Variants in LBHD1 observed in about 807,000 individuals in gnomAD.
LBHD1 encodes LBH domain containing 1, also known as LBH domain-containing protein 1.
Under a neutral mutation model 31.1 loss-of-function variants are expected in LBHD1, and 28 were observed. The ratio of observed to expected loss-of-function variants is 0.90; its 90% CI spans 0.67 to 1.24. LBHD1 has a LOEUF of 1.24. Ranked by LOEUF, LBHD1 falls within the 50% of genes most tolerant of loss-of-function variation. LBHD1 has a pLI of 0.00. For missense variants in LBHD1, 350 were observed against 323.0 expected (o/e 1.08, Z -0.64); for synonymous variants, 105 against 116.5 (o/e 0.90, Z 0.63).
chr11:62,665,617 G>C (rs1944785561), intron 4 of LBHD1: 4 of 1,552,560 alleles, frequency 2.6e-6, no homozygotes, highest in Non-Finnish European at 2.6e-6. Context: ...TCCTCCATCG[G>C]GGTGCTCACA....
At chr11:62,668,061 A>G (rs1405769441) in intron 3 of LBHD1, 1 of 251,240 alleles carries the variant, frequency 4.0e-6, no homozygotes, top group East Asian at 7.8e-5. Flanking sequence ...TTTCTGTGGT[A>G]TTTTTTGCTT....
rs1013237098 is a variant in LBHD1, at chr11:62,669,820, G to A, written c.151-17C>T. 6.2e-7 allele frequency: 1 copy of A among 1,614,112 alleles called. No homozygotes were observed. The highest frequency in any genetic ancestry group is 8.5e-7 in the Non-Finnish European group (1 of 1,180,052). On this transcript the variant is annotated splice_polypyrimidine_tract_variant and intron_variant, in intron 2 of 6. Coordinates refer to ENST00000354588, the MANE Select transcript of LBHD1 (RefSeq NM_024099.5). ...AGAGAAATCCTGAATAGGGACAGCA[G>A]GGAGGTTGGGCCAAACTGGAGGGTA...
At chr11:62,665,530 C>T (rs1254817635) in intron 4 of LBHD1, 4 of 1,569,810 alleles carry the variant, frequency 2.5e-6, no homozygotes, top group African/African-American at 2.7e-5. Context: ...GTGCTGGCGG[C>T]TTCCCATCCG....
chr11:62,664,675 C>T (rs923860045), intron 5 of LBHD1, among the ~76,000 whole-genome samples, 174 bp downstream of exon 5: 1 of 152,116 alleles, frequency 6.6e-6, no homozygotes, highest in African/African-American at 2.4e-5. Flanking sequence ...GAAAGGTTGT[C>T]TGCTACAGGT....
At position 62,667,631 on chromosome 11, in the gene LBHD1, A is replaced by G. The variant is rs761049456; in HGVS notation, c.430T>C (p.Cys144Arg). 3.7e-6 allele frequency: 6 copies of G among 1,614,018 alleles called. No homozygotes were observed. In the Admixed American group the frequency reaches 8.3e-5, roughly 22 times the overall value. The change falls in exon 4 of 7, where the codon TGT becomes CGT. Residue 144 changes from cysteine to arginine, a missense_variant. Physicochemically the swap from Cys to Arg is radical, Grantham distance 180 (BLOSUM62 -3). Transcript: ENST00000354588. ...DACWILEDTA[C>R]LEATNHCPFW... Reference sequence around the variant, plus strand: ...GGACAGTGGTTGGTGGCTTCCAGACATGCTGTGTCCTCAAGAATCCAACAA... The same window carrying G: ...GGACAGTGGTTGGTGGCTTCCAGACGTGCTGTGTCCTCAAGAATCCAACAA...
intron 4 of LBHD1, chr11:62,666,324 C>A: frequency 6.8e-7 from 1 of 1,478,324 alleles, no homozygotes; most frequent in Non-Finnish European, 9.3e-7. Context: ...AAAAAAAAGA[C>A]GCCAGTGTGT....
Position 62,667,823 on chromosome 11 carries a change from G to T in LBHD1, c.314-76C>A. ...TTACAAAACTAGGCCAGGCATGCTG[G>T]CTCATACCTATAATCACAGCACTTT... On this transcript the variant is annotated intron_variant, in intron 3 of 6. Transcript: ENST00000354588. The T allele has an allele frequency of 3.8e-6, 4 of 1,054,126 alleles. No individual in the cohort carries two copies. The Admixed American group carries it at 6.1e-5, about 16-fold the overall frequency. 65.3% of individuals were successfully genotyped at this position (1,054,126 alleles called of 1,614,324 possible).
rs535122704 is a variant in LBHD1 at position 62,669,566 on chromosome 11, G to A, written c.313+75C>T. 53 of 1,547,724 alleles carry A rather than the reference G, an allele frequency of 3.4e-5. No homozygotes were observed. In the African/African-American group the frequency reaches 3.6e-4, roughly 10 times the overall value. On this transcript the variant is annotated intron_variant, in intron 3 of 6. Coordinates refer to ENST00000354588, the MANE Select transcript of LBHD1 (RefSeq NM_024099.5). The stretch of plus-strand genomic sequence containing the variant: ...CCTGGCACTGCTGAATGCAGGGGCC[G>A]TAACTGACTTCCATCTTGGCTCTGC...
intron 4 of LBHD1, chr11:62,665,365 G>A: frequency 1.1e-6 from 1 of 934,916 alleles, no homozygotes; most frequent in Non-Finnish European, 1.6e-6. Context: ...TAGCCAGATT[G>A]GGCGGCCGGG....
At position 62,669,815 on chromosome 11, in the gene LBHD1, C is replaced by G; in HGVS notation, c.151-12G>C. The stretch of plus-strand genomic sequence containing the variant: ...TTTTGAGAGAAATCCTGAATAGGGA[C>G]AGCAGGGAGGTTGGGCCAAACTGGA... On this transcript the variant is annotated splice_polypyrimidine_tract_variant and intron_variant, in intron 2 of 6. Coordinates refer to ENST00000354588, the MANE Select transcript of LBHD1 (RefSeq NM_024099.5). The G allele has an allele frequency of 6.2e-7, 1 of 1,614,224 alleles. No homozygotes were observed. Among genetic ancestry groups the G allele is most frequent in the Non-Finnish European group, 8.5e-7 (1 of 1,180,040 alleles).
chr11:62,664,326 CTTTTTTTT>C (rs35917869), intron 5 of LBHD1, among the ~76,000 whole-genome samples: 2 of 77,438 alleles, frequency 2.6e-5, no homozygotes, highest in Non-Finnish European at 4.6e-5. Flanking sequence ...TCCTGATATT[CTTTTTTTT>C]TTTTTTTTTT....
intron 1 of LBHD1, chr11:62,671,284 AGTTG>A (rs1944936093): frequency 1.7e-6 from 1 of 575,356 alleles, no homozygotes; most frequent in African/African-American, 1.9e-5. Flanking sequence ...TTTGTTCCAG[AGTTG>A]AGGGGATGGA....
chr11:62,665,469 T>C (rs778020361), intron 4 of LBHD1: 4 of 1,572,998 alleles, frequency 2.5e-6, no homozygotes, highest in Non-Finnish European at 3.4e-6. Flanking sequence ...CTCCCCGTAA[T>C]GTACGGAGGA....
intron 4 of LBHD1, chr11:62,666,877 A>T: frequency 6.2e-7 from 1 of 1,614,166 alleles, no homozygotes; most frequent in Non-Finnish European, 8.5e-7. Context: ...TTCTATCAGA[A>T]TGCTTGAGGG....
Position 62,672,124 on chromosome 11 carries a change from T to C in LBHD1, c.-571A>G, listed in dbSNP as rs1225146280. ...CGGGAGGTCACCGTGAGACCGGACT[T>C]GCCTCCGTGGGCGCCGGACCTTGGC... is the stretch of plus-strand genomic sequence containing the variant. On this transcript the variant is annotated 5_prime_UTR_variant, in exon 1 of 7. Coordinates refer to ENST00000354588, the MANE Select transcript of LBHD1 (RefSeq NM_024099.5). The C allele has an allele frequency of 6.4e-7, 1 of 1,563,406 alleles. No homozygotes were observed. Among genetic ancestry groups the C allele is most frequent in the African/African-American group, 1.4e-5 (1 of 74,036 alleles).
Position 62,663,101 on chromosome 11 carries a change from C to G in LBHD1, c.*28G>C. 1 of 1,613,724 alleles carries G rather than the reference C, an allele frequency of 6.2e-7. No individual in the cohort carries two copies. Among genetic ancestry groups the G allele is most frequent in the Non-Finnish European group, 8.5e-7 (1 of 1,179,828 alleles). On this transcript the variant is annotated 3_prime_UTR_variant, in exon 7 of 7. Coordinates refer to ENST00000354588, the MANE Select transcript of LBHD1 (RefSeq NM_024099.5). ...TTTCTACATCCTGGGGGGCTTTTGTCTTCTTTTGCCTTTTGAGCTGTGGTT... is the reference window on the plus strand; with the variant it reads ...TTTCTACATCCTGGGGGGCTTTTGTGTTCTTTTGCCTTTTGAGCTGTGGTT...
Position 62,671,796 on chromosome 11 carries a change from G to A in LBHD1, c.-243C>T. 6.2e-7 allele frequency: 1 copy of A among 1,614,104 alleles called. No homozygotes were observed. Among genetic ancestry groups the A allele is most frequent in the South Asian group, 1.1e-5 (1 of 91,090 alleles). On this transcript the variant is annotated 5_prime_UTR_variant, in exon 1 of 7. Transcript: ENST00000354588. ...TCTCAGTCGCAATGCTGGGCGCAGG[G>A]GCTGGCGTGGGCTACGCGCTCCTCG... is the stretch of plus-strand genomic sequence containing the variant.
At chr11:62,666,100 C>T in intron 4 of LBHD1, 2 of 942,436 alleles carry the variant, frequency 2.1e-6, no homozygotes, top group Non-Finnish European at 3.1e-6. Context: ...GTAATGCTAA[C>T]ACTTTGCCAG....
chr11:62,666,929 G>T, intron 4 of LBHD1: 2 of 1,614,102 alleles, frequency 1.2e-6, no homozygotes, highest in East Asian at 2.2e-5. Flanking sequence ...CTCAGATGAG[G>T]ACCCTGATGT....
Sources: gnomAD v4.1 joint callset for allele counts (sites outside exome capture counted in the v4.1 genomes callset) on GRCh38, gnomAD v4.1.1 for gene constraint, MANE v1.5 for transcripts, NCBI Gene and HGNC (gene_info 2026-07-23, HGNC 2026-07-21) for gene names.